The following CFAP58 variants were observed in gnomAD, a reference collection of about 807,000 sequenced individuals.
The protein encoded by CFAP58 is cilia and flagella associated protein 58.
CFAP58 carries 88 observed loss-of-function variants against 119.5 expected under a neutral mutation model. That is an observed-to-expected ratio of 0.74 (90% CI 0.62 to 0.88). The LOEUF (loss-of-function observed/expected upper bound fraction) is 0.88, where lower values mean the gene tolerates loss of function less well. Ranked by LOEUF, CFAP58 falls within the 40% of genes least tolerant of loss-of-function variation. The pLI is 0.00. For synonymous variants in CFAP58, 365 were observed against 366.3 expected (o/e 1.00, Z 0.04); for missense variants, 990 against 1,021.2 (o/e 0.97, Z 0.42).
intron 15 of CFAP58, among the ~76,000 whole-genome samples, chr10:104,446,828 T>C (rs1263387545): frequency 2.0e-5 from 3 of 152,256 alleles, no homozygotes; most frequent in African/African-American, 7.2e-5. Flanking sequence ...AATTAAACTC[T>C]AGGATTCAAA....
intron 11 of CFAP58, among the ~76,000 whole-genome samples, chr10:104,399,090 A>T (rs1426822912): frequency 1.3e-5 from 2 of 152,176 alleles, no homozygotes; most frequent in African/African-American, 4.8e-5. Context: ...CCTGCTACAC[A>T]TATATAGAAA....
rs191720014 is a variant in CFAP58, at chr10:104,357,822, T to C, written c.10-519T>C. ...ATATACACACATATATATGTACATATATACACATATATGTACACATATGTA... is the reference window on the plus strand; with the variant it reads ...ATATACACACATATATATGTACATACATACACATATATGTACACATATGTA... On this transcript the variant is annotated intron_variant, in intron 1 of 17. Transcript: ENST00000369704. 3.5e-3 allele frequency among the ~76,000 whole-genome samples: 515 copies of C among 147,812 alleles called. 20 individuals are homozygous for C. Among genetic ancestry groups the C allele is most frequent in the African/African-American group, 9.7e-3 (387 of 39,766 alleles).
intron 15 of CFAP58, among the ~76,000 whole-genome samples, chr10:104,432,584 T>G: frequency 2.0e-5 from 3 of 152,028 alleles, no homozygotes; most frequent in African/African-American, 7.2e-5. Context: ...CCCACTACAT[T>G]CTCCGCCTCA....
intron 7 of CFAP58, among the ~76,000 whole-genome samples, chr10:104,373,470 C>CA (rs894658533): frequency 0.011 from 1,650 of 146,766 alleles, 33 homozygotes; most frequent in African/African-American, 0.038. Flanking sequence ...ACTATCTCTT[C>CA]AAAAAAAAAA....
chr10:104,353,804 C>A, upstream of CFAP58: 2 of 1,479,682 alleles, frequency 1.4e-6, no homozygotes, highest in Non-Finnish European at 1.8e-6. Context: ...GCGATAGAGA[C>A]AGCGCGTCGC....
chr10:104,371,160 A>G, intron 7 of CFAP58, 106 bp downstream of exon 7: 1 of 1,127,492 alleles, frequency 8.9e-7, no homozygotes, highest in Non-Finnish European at 1.2e-6. Context: ...TGCCAAATGA[A>G]ATCAGTAAAA....
rs577342495 is a variant in CFAP58 at position 104,360,942 on chromosome 10, T to G, written c.292-1081T>G. 5.3e-5 allele frequency among the ~76,000 whole-genome samples: 8 copies of G among 152,308 alleles called. No individual in the cohort carries two copies. In the South Asian group the frequency reaches 6.2e-4, roughly 12 times the overall value. On this transcript the variant is annotated intron_variant, in intron 2 of 17. Transcript: ENST00000369704. ...AATAGCACTGTGATGAACATATGCA[T>G]GCATCACACACTTTTAAATGACCAG...
At chr10:104,447,944 C>T in intron 16 of CFAP58, 127 bp downstream of exon 16, 2 of 1,193,842 alleles carry the variant, frequency 1.7e-6, no homozygotes, top group Non-Finnish European at 1.2e-6. Context: ...GAGGTCAGCT[C>T]CCTTAGAGCT....
At chr10:104,438,097 A>C (rs1258948117) in intron 15 of CFAP58, among the ~76,000 whole-genome samples, 1 of 152,206 alleles carries the variant, frequency 6.6e-6, no homozygotes, top group African/African-American at 2.4e-5. Context: ...ATATGATAAC[A>C]TTGAGATGCC....
At chr10:104,349,527 T>G (rs2014435817), upstream of CFAP58, among the ~76,000 whole-genome samples, 1 of 152,202 alleles carries the variant, frequency 6.6e-6, no homozygotes, top group South Asian at 2.1e-4. Flanking sequence ...CTTTAAAGGC[T>G]CTATCTCCAA....
the CFAP58 span, among the ~76,000 whole-genome samples, chr10:104,344,204 G>C: frequency 6.6e-6 from 1 of 152,208 alleles, no homozygotes; most frequent in East Asian, 1.9e-4. Context: ...GATATTCATT[G>C]CTCTCCTTGT....
chr10:104,394,385 A>T (rs11192037), intron 11 of CFAP58, among the ~76,000 whole-genome samples: 2 of 152,170 alleles, frequency 1.3e-5, no homozygotes, highest in African/African-American at 4.8e-5. Context: ...TGTTTACAAC[A>T]AATTAGAGAC....
chr10:104,451,086 C>T (rs59531593), intron 17 of CFAP58, among the ~76,000 whole-genome samples: 2,690 of 152,208 alleles, frequency 0.018, 76 homozygotes, highest in African/African-American at 0.062. Context: ...AGGTTTGAAA[C>T]GAACTAGTTT....
At chr10:104,359,823 A>G (rs1216559782) in intron 2 of CFAP58, among the ~76,000 whole-genome samples, 1 of 152,152 alleles carries the variant, frequency 6.6e-6, no homozygotes, top group Admixed American at 6.6e-5. Context: ...AAAACAAAAA[A>G]CCCAAAACAA....
chr10:104,353,147 G>A (rs913092475), upstream of CFAP58: 1 of 152,054 alleles, frequency 6.6e-6, no homozygotes, highest in Non-Finnish European at 1.5e-5. Context: ...GAGGCAGAAG[G>A]GGGAGAAGAG....
intron 9 of CFAP58, among the ~76,000 whole-genome samples, chr10:104,390,409 C>G (rs2012009166): frequency 6.6e-6 from 1 of 152,046 alleles, no homozygotes; most frequent in African/African-American, 2.4e-5. Flanking sequence ...AAAACAAACC[C>G]CAAAAAGCCA....
chr10:104,348,242 G>A, the CFAP58 span, among the ~76,000 whole-genome samples: 1 of 152,194 alleles, frequency 6.6e-6, no homozygotes, highest in Non-Finnish European at 1.5e-5. Context: ...CTATGACAGA[G>A]GTCGATTTCT....
intron 7 of CFAP58, 151 bp downstream of exon 7, chr10:104,371,205 G>C (rs1012467209): frequency 1.5e-6 from 1 of 687,936 alleles, no homozygotes; most frequent in African/African-American, 1.9e-5. Flanking sequence ...AATATGGGGT[G>C]GGGTGGGGGG....
intron 15 of CFAP58, among the ~76,000 whole-genome samples, chr10:104,429,916 G>T (rs1458814857): frequency 1.3e-5 from 2 of 151,950 alleles, no homozygotes; most frequent in African/African-American, 4.8e-5. Flanking sequence ...CTGCTCTGAG[G>T]GTTCTGGCTC....
Sources: allele counts gnomAD v4.1 joint callset (sites outside exome capture counted in the v4.1 genomes callset), GRCh38; gene constraint gnomAD v4.1.1; transcripts MANE v1.5; gene names NCBI Gene and HGNC (gene_info 2026-07-23, HGNC 2026-07-21).